Variants in SPRY3 observed in about 807,000 individuals in gnomAD.
SPRY3 encodes the protein sprouty RTK signaling antagonist 3.
Under a neutral mutation model 20.2 loss-of-function variants are expected in SPRY3, and 15 were observed. That is an observed-to-expected ratio of 0.74 (90% CI 0.50 to 1.14). The LOEUF is 1.14. SPRY3 is among the 50% of genes most tolerant of loss of function. The pLI, the probability that SPRY3 is intolerant of heterozygous loss-of-function variation, is 0.00. For synonymous variants in SPRY3, 143 were observed against 136.5 expected (o/e 1.05, Z -0.33); for missense variants, 364 against 363.9 (o/e 1.00, Z 0.00).
At chrX:155,757,742 G>A (rs2091288878) in intron 2 of SPRY3, among the ~76,000 whole-genome samples, 1 of 152,138 alleles carries the variant, frequency 6.6e-6, no homozygotes, top group South Asian at 2.1e-4. Context: ...TATGTAGCTT[G>A]ATAAAGTTCC....
exon 3 of SPRY3, chrX:155,767,998 C>CCT (rs2091353861): frequency 6.6e-6 from 1 of 152,120 alleles, no homozygotes; most frequent in South Asian, 2.1e-4. Context: ...GGCTCCACTG[C>CCT]CTGCCAGTGA....
At chrX:155,759,797 G>C (rs369203046) in intron 2 of SPRY3, among the ~76,000 whole-genome samples, 1 of 152,070 alleles carries the variant, frequency 6.6e-6, no homozygotes, top group East Asian at 1.9e-4. Context: ...AACACACACA[G>C]AGGACTTCTG....
chrX:155,706,739 G>T (rs1369825483), intron 2 of SPRY3, among the ~76,000 whole-genome samples: 1 of 151,020 alleles, frequency 6.6e-6, no homozygotes, highest in Non-Finnish European at 1.5e-5. Flanking sequence ...GAACAATTTA[G>T]ATGAAATGGG....
chrX:155,680,374 G>T (rs2068071068), intron 2 of SPRY3, among the ~76,000 whole-genome samples: 1 of 109,467 alleles, frequency 9.1e-6, no homozygotes, highest in East Asian at 2.9e-4. Flanking sequence ...ACGACTTAAG[G>T]TAGAAATGGG....
At chrX:155,759,255 C>A (rs1217029090) in intron 2 of SPRY3, among the ~76,000 whole-genome samples, 5 of 152,020 alleles carry the variant, frequency 3.3e-5, no homozygotes, top group Non-Finnish European at 5.9e-5. Context: ...AACTCCTGAC[C>A]TCAAGTGATC....
intron 2 of SPRY3, among the ~76,000 whole-genome samples, chrX:155,754,448 A>G: frequency 6.6e-6 from 1 of 152,042 alleles, no homozygotes; most frequent in South Asian, 2.1e-4. Context: ...ACATTTGACT[A>G]TATGTATATC....
At chrX:155,693,851 G>C (rs1282076634) in intron 2 of SPRY3, among the ~76,000 whole-genome samples, 1 of 99,316 alleles carries the variant, frequency 1.0e-5, no homozygotes, top group African/African-American at 3.7e-5. Context: ...TGCTCAGGCA[G>C]GAATACAATG....
chrX:155,672,499 T>C (rs2068044181), intron 2 of SPRY3, among the ~76,000 whole-genome samples: 1 of 111,127 alleles, frequency 9.0e-6, no homozygotes, highest in Admixed American at 9.5e-5. Context: ...GAAATGCAAA[T>C]CAAAACCACA....
intron 3 of SPRY3, among the ~76,000 whole-genome samples, chrX:155,770,458 G>C (rs2091373804): frequency 6.6e-6 from 1 of 152,100 alleles, no homozygotes; most frequent in African/African-American, 2.4e-5. Context: ...CAGAAAAACT[G>C]TTTAGAAAGC....
At chrX:155,746,322 A>T (rs1021652269) in intron 2 of SPRY3, among the ~76,000 whole-genome samples, 2 of 151,964 alleles carry the variant, frequency 1.3e-5, no homozygotes, top group African/African-American at 4.8e-5. Flanking sequence ...TTTAACATTA[A>T]TTTTTTCCTA....
chrX:155,648,132 C>T (rs1229026746), intron 1 of SPRY3, among the ~76,000 whole-genome samples: 1 of 111,705 alleles, frequency 9.0e-6, no homozygotes, highest in Non-Finnish European at 1.9e-5. Context: ...ATATCCTTTG[C>T]CCAATTTCGA....
chrX:155,741,455 C>G (rs1439144095), intron 2 of SPRY3, among the ~76,000 whole-genome samples: 3 of 152,054 alleles, frequency 2.0e-5, no homozygotes, highest in Non-Finnish European at 2.9e-5. Flanking sequence ...AAGAAATTCC[C>G]CAACCTAGCA....
At chrX:155,664,603 T>C (rs911068208) in intron 2 of SPRY3, among the ~76,000 whole-genome samples, 6 of 110,520 alleles carry the variant, frequency 5.4e-5, no homozygotes, top group Non-Finnish European at 9.5e-5. Flanking sequence ...AATAAATCAG[T>C]GTATGAAATG....
chrX:155,620,117 CT>C (rs1445632330), intron 1 of SPRY3, among the ~76,000 whole-genome samples: 1 of 111,740 alleles, frequency 8.9e-6, no homozygotes, highest in Non-Finnish European at 1.9e-5. Flanking sequence ...CTTTAGAAAA[CT>C]GGTTAGCAGA....
At chrX:155,696,321 G>A (rs753109146) in intron 2 of SPRY3, among the ~76,000 whole-genome samples, 2 of 108,958 alleles carry the variant, frequency 1.8e-5, no homozygotes, top group Non-Finnish European at 3.8e-5. Flanking sequence ...TAATTGGTCC[G>A]TACAGCACTT....
intron 1 of SPRY3, among the ~76,000 whole-genome samples, chrX:155,633,497 T>C (rs2067913770): frequency 9.1e-6 from 1 of 109,982 alleles, no homozygotes; most frequent in Non-Finnish European, 1.9e-5. Flanking sequence ...CTGTAAACCT[T>C]ATCCCAAACC....
intron 1 of SPRY3, among the ~76,000 whole-genome samples, chrX:155,636,289 C>T (rs2067923204): frequency 8.9e-6 from 1 of 111,999 alleles, no homozygotes; most frequent in African/African-American, 3.2e-5. Flanking sequence ...GAGGACTATG[C>T]TTGCACTTAG....
chrX:155,757,679 G>A (rs2091288625), intron 2 of SPRY3, among the ~76,000 whole-genome samples: 1 of 152,080 alleles, frequency 6.6e-6, no homozygotes. Flanking sequence ...CAGCTTCTCT[G>A]GGTCTCACTC....
chrX:155,710,154 G>T (rs2090976391), intron 2 of SPRY3, among the ~76,000 whole-genome samples: 1 of 151,460 alleles, frequency 6.6e-6, no homozygotes, highest in Non-Finnish European at 1.5e-5. Flanking sequence ...GGTCTTTTGT[G>T]GTTCTATATA....
Sources: gnomAD v4.1 joint callset for allele counts (sites outside exome capture counted in the v4.1 genomes callset) on GRCh38, gnomAD v4.1.1 for gene constraint, MANE v1.5 for transcripts, NCBI Gene and HGNC (gene_info 2026-07-23, HGNC 2026-07-21) for gene names.